The following CLIP2 variants were observed in gnomAD, a reference collection of about 807,000 sequenced individuals.
The protein encoded by CLIP2 is CAP-Gly domain-containing linker protein 2.
Under a neutral mutation model 111.7 loss-of-function variants are expected in CLIP2, and 41 were observed. The ratio of observed to expected loss-of-function variants is 0.37; its 90% confidence interval spans 0.29 to 0.48. The LOEUF (loss-of-function observed/expected upper bound fraction) is 0.48. CLIP2 is among the 20% of genes least tolerant of loss of function. The pLI, the probability that CLIP2 is intolerant of heterozygous loss-of-function variation, is 0.99. For synonymous variants in CLIP2, 660 were observed against 644.2 expected (o/e 1.02, Z -0.37); for missense variants, 1,160 against 1,422.1 (o/e 0.82, Z 2.96).
At chr7:74,318,029 C>G (rs1344184854) in intron 2 of CLIP2, among the ~76,000 whole-genome samples, 1 of 151,942 alleles carries the variant, frequency 6.6e-6, no homozygotes, top group Non-Finnish European at 1.5e-5. Context: ...GAAACCCCAT[C>G]TCTACTAAAA....
chr7:74,375,546 C>CA (rs34885959), intron 9 of CLIP2, among the ~76,000 whole-genome samples: 21,669 of 33,178 alleles, frequency 0.65, 8,635 homozygotes, highest in Non-Finnish European at 0.77. Context: ...GAGCGAGACT[C>CA]AAAAAAAAAA....
At chr7:74,332,460 CTT>C (rs386410474) in intron 2 of CLIP2, among the ~76,000 whole-genome samples, 6,956 of 110,222 alleles carry the variant, frequency 0.063, 481 homozygotes, top group East Asian at 0.38. Flanking sequence ...CTAGAATTCT[CTT>C]TTTTTTTTTT....
chr7:74,384,265 A>G (rs1791021277), intron 11 of CLIP2, among the ~76,000 whole-genome samples: 1 of 152,000 alleles, frequency 6.6e-6, no homozygotes, highest in Non-Finnish European at 1.5e-5. Flanking sequence ...ATTCCATTGT[A>G]TGGACATACC....
chr7:74,321,618 G>A (rs1445080186), intron 2 of CLIP2, among the ~76,000 whole-genome samples: 2 of 151,760 alleles, frequency 1.3e-5, no homozygotes, highest in African/African-American at 2.4e-5. Context: ...ACAGGCGCCC[G>A]CCACCACGCC....
chr7:74,329,287 C>A (rs906363621), intron 2 of CLIP2, among the ~76,000 whole-genome samples: 1 of 151,866 alleles, frequency 6.6e-6, no homozygotes, highest in African/African-American at 2.4e-5. Flanking sequence ...TCAAGTGATC[C>A]TCCCGCCTCG....
intron 8 of CLIP2, among the ~76,000 whole-genome samples, chr7:74,369,187 C>T (rs1238541658): frequency 6.6e-6 from 1 of 152,048 alleles, no homozygotes; most frequent in Non-Finnish European, 1.5e-5. Context: ...CCTGTCTCTA[C>T]TAAAAATACA....
intron 1 of CLIP2, among the ~76,000 whole-genome samples, chr7:74,313,529 C>T (rs1788694133): frequency 2.0e-5 from 3 of 151,262 alleles, no homozygotes; most frequent in African/African-American, 4.9e-5. Flanking sequence ...CACTGCACTC[C>T]AGCCTGGGCG....
intron 2 of CLIP2, among the ~76,000 whole-genome samples, chr7:74,331,642 C>T (rs1168688515): frequency 4.5e-5 from 6 of 133,584 alleles, no homozygotes; most frequent in Non-Finnish European, 3.1e-5. Context: ...GGCGTGATCT[C>T]GGCTCACTGC....
chr7:74,400,425 C>T lies in CLIP2; in HGVS notation c.2936C>T (p.Ser979Leu), dbSNP rs782033519. The change falls in exon 15 of 17, where the codon TCG becomes TTG. Residue 979 changes from serine to leucine, a missense_variant. Transcript: ENST00000223398. ...CGCTACTCCCTCATCGACCGGTCCT[C>T]GGCGCCCGAGCTTCTGCGGCTGCAG... ...QRRYSLIDRS[S>L]APELLRLQHQ... The T allele has an allele frequency of 1.1e-5, 18 of 1,613,916 alleles. No homozygotes were observed. The highest frequency in any genetic ancestry group is 1.1e-4 in the South Asian group (10 of 91,052).
At chr7:74,297,839 G>A (rs1454133087) in intron 1 of CLIP2, among the ~76,000 whole-genome samples, 1 of 151,638 alleles carries the variant, frequency 6.6e-6, no homozygotes, top group African/African-American at 2.4e-5. Context: ...TTGAGATGGA[G>A]TCTCGTTCTG....
intron 13 of CLIP2, among the ~76,000 whole-genome samples, chr7:74,394,222 T>A (rs1258367318): frequency 1.3e-5 from 2 of 150,944 alleles, no homozygotes; most frequent in African/African-American, 4.9e-5. Context: ...TCCTCCCTTC[T>A]GGGATACCTT....
intron 1 of CLIP2, among the ~76,000 whole-genome samples, chr7:74,309,106 C>G (rs892546795): frequency 1.3e-5 from 2 of 152,014 alleles, no homozygotes; most frequent in African/African-American, 4.8e-5. Flanking sequence ...TGAGCTCCAG[C>G]AATTCACCCA....
rs548692541 is a variant in CLIP2 at position 74,389,154 on chromosome 7, A to G, written c.2615A>G (p.Lys872Arg). 1 of 1,613,730 alleles carries G rather than the reference A, an allele frequency of 6.2e-7. No homozygotes were observed. The highest frequency in any genetic ancestry group is 1.1e-5 in the South Asian group (1 of 91,048). The change falls in exon 13 of 17, where the codon AAG becomes AGG. Residue 872 changes from lysine to arginine, a missense_variant. This residue lies in a region of CLIP2 where 676 missense variants were observed against 777.8 expected (regional missense o/e 0.87). Transcript: ENST00000223398. ...GAGAAGAAGGTGGACGCCCTCCTGA[A>G]GGAGAAGCGGCGCCTGGAGGCAGAG... is the stretch of plus-strand genomic sequence containing the variant. Reference protein sequence around the residue: ...SGEKKVDALLKEKRRLEAELE... With the variant: ...SGEKKVDALLREKRRLEAELE...
intron 2 of CLIP2, among the ~76,000 whole-genome samples, chr7:74,327,442 A>AC (rs1157458880): frequency 6.6e-6 from 1 of 152,132 alleles, no homozygotes; most frequent in African/African-American, 2.4e-5. Context: ...ATGTCCCTGT[A>AC]CCCCGTGAGT....
In CLIP2 at chr7:74,380,846, C is replaced by A. The variant is rs782465626; in HGVS notation, c.2462C>A (p.Thr821Lys). 1.2e-6 allele frequency: 2 copies of A among 1,613,332 alleles called. No individual in the cohort carries two copies. Among genetic ancestry groups the A allele is most frequent in the Admixed American group, 1.7e-5 (1 of 59,972 alleles). ...GACATTTCAGAGGAGACGATCAGGA[C>A]GAAGGAAACTGTGGAGGGTGAGTGG... ...SNDISEETIR[T>K]KETVEGLQDK... Residue 821 changes from threonine (T) to lysine (K), a missense_variant, in exon 11 of 17, where the codon ACG (threonine) becomes AAG (lysine). This residue lies in a region of CLIP2 where 676 missense variants were observed against 777.8 expected (regional missense o/e 0.87). Coordinates refer to ENST00000223398, the MANE Select transcript of CLIP2 (RefSeq NM_003388.5).
intron 6 of CLIP2, among the ~76,000 whole-genome samples, chr7:74,357,850 C>T (rs1303566126): frequency 3.4e-5 from 5 of 146,368 alleles, no homozygotes; most frequent in African/African-American, 1.3e-4. Flanking sequence ...TCCACCTCCT[C>T]GGTTCAAGCG....
chr7:74,380,903 G>A (rs782192671), intron 11 of CLIP2, 40 bp downstream of exon 11: 10 of 1,601,360 alleles, frequency 6.2e-6, no homozygotes, highest in Non-Finnish European at 8.6e-6. Context: ...TGGGCTCTGG[G>A]AAGAGGCTGG....
chr7:74,362,402 T>C (rs1311679449), intron 7 of CLIP2, among the ~76,000 whole-genome samples: 6 of 152,174 alleles, frequency 3.9e-5, no homozygotes, highest in African/African-American at 1.4e-4. Context: ...CTGTTGTTAC[T>C]GTCGGATTCA....
chr7:74,352,817 C>T (rs1032018915), intron 3 of CLIP2, among the ~76,000 whole-genome samples: 2 of 151,960 alleles, frequency 1.3e-5, no homozygotes, highest in African/African-American at 4.8e-5. Flanking sequence ...CAGACCAGCT[C>T]AGGCAACATA....
Sources: gnomAD v4.1 joint callset for allele counts (sites outside exome capture counted in the v4.1 genomes callset) on GRCh38, gnomAD v4.1.1 for gene constraint, gnomAD v4.1.1 regional missense constraint, MANE v1.5 for transcripts, NCBI Gene and HGNC (gene_info 2026-07-23, HGNC 2026-07-21) for gene names.